Variants in FMN1 observed in about 807,000 individuals in gnomAD.
FMN1 encodes the protein formin-1.
FMN1 carries 110 observed loss-of-function variants against 132.4 expected under a neutral mutation model. The ratio of observed to expected loss-of-function variants is 0.83; its 90% CI spans 0.71 to 0.97. The LOEUF is 0.97. FMN1 is among the 50% of genes least tolerant of loss of function. The pLI is 0.00. For missense variants in FMN1, 1,792 were observed against 1,705.3 expected (o/e 1.05, Z -0.90); for synonymous variants, 722 against 651.7 (o/e 1.11, Z -1.64).
At chr15:32,969,968 C>T (rs770235463) in intron 7 of FMN1, among the ~76,000 whole-genome samples, 5 of 152,140 alleles carry the variant, frequency 3.3e-5, no homozygotes, top group Non-Finnish European at 7.4e-5. Context: ...ACAGCAGACA[C>T]AGAAAGCAAG....
At chr15:33,069,531 C>T (rs537052776) in intron 5 of FMN1, among the ~76,000 whole-genome samples, 106 of 152,322 alleles carry the variant, frequency 7.0e-4, no homozygotes, top group African/African-American at 2.5e-3. Flanking sequence ...GACAGTCTTG[C>T]TTTATCTGCA....
At chr15:33,029,627 C>T (rs2035842393) in intron 6 of FMN1, among the ~76,000 whole-genome samples, 1 of 151,988 alleles carries the variant, frequency 6.6e-6, no homozygotes, top group Non-Finnish European at 1.5e-5. Flanking sequence ...TAGGGTTTAC[C>T]ACATGGCTGC....
chr15:33,070,593 A>C (rs10519781), intron 5 of FMN1, among the ~76,000 whole-genome samples: 46,665 of 151,760 alleles, frequency 0.31, 7,678 homozygotes, highest in Admixed American at 0.37. Flanking sequence ...ATGCCAACAC[A>C]ATTTCATGGG....
At chr15:33,123,501 TA>T (rs1962762086) in intron 4 of FMN1, among the ~76,000 whole-genome samples, 1 of 152,200 alleles carries the variant, frequency 6.6e-6, no homozygotes, top group Non-Finnish European at 1.5e-5. Context: ...TATTAAGTAA[TA>T]AATATGTCCT....
intron 4 of FMN1, among the ~76,000 whole-genome samples, chr15:33,114,945 T>C (rs867428847): frequency 2.0e-5 from 3 of 152,188 alleles, no homozygotes; most frequent in South Asian, 2.1e-4. Flanking sequence ...TTTAGGGGTC[T>C]GGTGGCTGGG....
chr15:33,021,317 A>G lies in FMN1; in HGVS notation c.2162-13242T>C, dbSNP rs189527560. 1.6e-3 allele frequency among the ~76,000 whole-genome samples: 237 copies of G among 152,198 alleles called. 1 individual carries two copies. Among genetic ancestry groups the G allele is most frequent in the African/African-American group, 5.5e-3 (230 of 41,548 alleles). ...TTAGCATGGTTTGTTACACAGCATTATTACAGCAATAGCTGATGAATACAC... is the reference window on the plus strand; with the variant it reads ...TTAGCATGGTTTGTTACACAGCATTGTTACAGCAATAGCTGATGAATACAC... On this transcript the variant is annotated intron_variant, in intron 6 of 20. Coordinates refer to ENST00000616417, the MANE Select transcript of FMN1 (RefSeq NM_001277313.2).
chr15:32,767,777 T>C lies in FMN1; in HGVS notation c.*6533A>G, dbSNP rs1466468785. ...AATAATTTTGGAGTAGACCTATCCC[T>C]TAGGTAGATCCCCAAAACCTATTTG... On this transcript the variant is annotated 3_prime_UTR_variant, in exon 21 of 21. Transcript: ENST00000616417. The C allele has an allele frequency of 6.6e-6, 1 of 152,182 alleles. No individual in the cohort carries two copies. The highest frequency in any genetic ancestry group is 1.5e-5 in the Non-Finnish European group (1 of 68,038). The allele number at this position is 152,182 out of a possible 1,614,324, so 9.4% of individuals were successfully genotyped here.
intron 4 of FMN1, among the ~76,000 whole-genome samples, chr15:33,096,104 T>TAG (rs1433700217): frequency 6.6e-6 from 1 of 151,778 alleles, no homozygotes; most frequent in Non-Finnish European, 1.5e-5. Flanking sequence ...CCTTGCAACA[T>TAG]AGTGAGAATG....
chr15:32,813,377 T>C (rs1030371857), intron 17 of FMN1, among the ~76,000 whole-genome samples: 5 of 152,220 alleles, frequency 3.3e-5, no homozygotes, highest in African/African-American at 1.2e-4. Context: ...AATTGGGATC[T>C]AAATGAAGTA....
intron 5 of FMN1, chr15:33,067,378 A>C (rs755263488): frequency 6.2e-7 from 1 of 1,613,966 alleles, no homozygotes; most frequent in Non-Finnish European, 8.5e-7. Flanking sequence ...AAACACCACT[A>C]GGGGACTTTG....
intron 7 of FMN1, among the ~76,000 whole-genome samples, chr15:32,974,176 G>C (rs374006289): frequency 2.0e-5 from 3 of 152,066 alleles, no homozygotes; most frequent in East Asian, 3.9e-4. Flanking sequence ...TTTATTTTTA[G>C]ACCAATGTTC....
At chr15:32,937,923 G>A (rs2061315970) in intron 9 of FMN1, among the ~76,000 whole-genome samples, 1 of 152,166 alleles carries the variant, frequency 6.6e-6, no homozygotes, top group Non-Finnish European at 1.5e-5. Flanking sequence ...TTAGACTTGT[G>A]AACACACATA....
chr15:33,154,018 G>C lies in FMN1; in HGVS notation c.897C>G (p.His299Gln). ...EHQQTGLSES[H>Q]QDPEKHPEAE... ...CCTCTGGATGCTTCTCAGGGTCCTG[G>C]TGACTTTCAGACAAACCTGTTTGCT... Residue 299 changes from histidine (H) to glutamine (Q), a missense_variant, in exon 4 of 21, where the codon CAC (histidine) becomes CAG (glutamine). Physicochemically the swap from His to Gln is conservative, Grantham distance 24. Transcript: ENST00000616417. 1 of 1,536,478 alleles carries C rather than the reference G, an allele frequency of 6.5e-7. No homozygotes were observed. Among genetic ancestry groups the C allele is most frequent in the Non-Finnish European group, 8.7e-7 (1 of 1,147,002 alleles).
chr15:33,040,404 TCA>T (rs1040539297), intron 6 of FMN1, among the ~76,000 whole-genome samples: 1 of 152,160 alleles, frequency 6.6e-6, no homozygotes, highest in African/African-American at 2.4e-5. Context: ...TAACCCACCT[TCA>T]CAGTGGCAAA....
At chr15:33,057,762 G>A (rs866832970) in intron 6 of FMN1, among the ~76,000 whole-genome samples, 26 of 152,204 alleles carry the variant, frequency 1.7e-4, no homozygotes, top group Middle Eastern at 3.4e-3. Context: ...TATCTTGGGG[G>A]GAAAAGTGCT....
At chr15:33,096,084 C>T (rs1274393033) in intron 4 of FMN1, among the ~76,000 whole-genome samples, 1 of 151,470 alleles carries the variant, frequency 6.6e-6, no homozygotes, top group Non-Finnish European at 1.5e-5. Context: ...TACAATATGG[C>T]TCTGAGTGTC....
At chr15:32,950,952 AT>A (rs1021662842) in intron 9 of FMN1, among the ~76,000 whole-genome samples, 70 of 151,982 alleles carry the variant, frequency 4.6e-4, no homozygotes, top group African/African-American at 1.6e-3. Context: ...ATTCCTTGAA[AT>A]TTTATTGAGA....
At chr15:32,973,335 G>A (rs1217516061) in intron 7 of FMN1, among the ~76,000 whole-genome samples, 1 of 152,058 alleles carries the variant, frequency 6.6e-6, no homozygotes, top group Non-Finnish European at 1.5e-5. Context: ...ATGCATCTGG[G>A]TCTTTGCAAA....
chr15:32,989,894 G>C (rs1210874168), intron 7 of FMN1, among the ~76,000 whole-genome samples: 1 of 152,140 alleles, frequency 6.6e-6, no homozygotes, highest in Non-Finnish European at 1.5e-5. Flanking sequence ...AGTTTTAGGA[G>C]AACCATGACA....
Sources: allele counts gnomAD v4.1 joint callset (sites outside exome capture counted in the v4.1 genomes callset), GRCh38; gene constraint gnomAD v4.1.1; transcripts MANE v1.5; gene names NCBI Gene and HGNC (gene_info 2026-07-23, HGNC 2026-07-21).